CCDC178: variants seen among roughly 807,000 people sequenced by gnomAD.
CCDC178 encodes the protein coiled-coil domain-containing protein 178.
CCDC178 carries 126 observed loss-of-function variants against 117.4 expected under a neutral mutation model. That is an observed-to-expected ratio of 1.07 (90% CI 0.93 to 1.24). CCDC178 has a LOEUF of 1.24. CCDC178 is among the 50% of genes most tolerant of loss of function. The pLI, the probability that CCDC178 is intolerant of heterozygous loss-of-function variation, is 0.00. For synonymous variants in CCDC178, 283 were observed against 313.4 expected (o/e 0.90, Z 1.02); for missense variants, 1,030 against 986.9 (o/e 1.04, Z -0.59).
At chr18:33,187,705 C>T (rs2058813632) in intron 20 of CCDC178, among the ~76,000 whole-genome samples, 1 of 152,090 alleles carries the variant, frequency 6.6e-6, no homozygotes, top group Admixed American at 6.5e-5. Context: ...TTTATTCATA[C>T]GATTGCACTA....
chr18:32,942,064 T>A (rs1014773849), intron 22 of CCDC178, among the ~76,000 whole-genome samples: 14 of 152,056 alleles, frequency 9.2e-5, no homozygotes, highest in Non-Finnish European at 1.8e-4. Flanking sequence ...AAAGAGAAAA[T>A]GGGAGGATAT....
rs1465141540 is a variant in CCDC178, at chr18:32,974,607, C to T, written c.2463G>A (p.Met821Ile). ...AGTCTGTCTGGAAGTTGGCCAGCCTCATCTGGCTGAAGAGGACCACCAGTT... is the reference window on the plus strand; with the variant it reads ...AGTCTGTCTGGAAGTTGGCCAGCCTTATCTGGCTGAAGAGGACCACCAGTT... ...HFKLVVLFSQ[M>I]RLANFQTDSQ... The change falls in exon 22 of 23, where the codon ATG (methionine) becomes ATA (isoleucine). Residue 821 changes from methionine to isoleucine, a missense_variant. Coordinates refer to ENST00000383096, the MANE Select transcript of CCDC178 (RefSeq NM_001105528.4). 6 of 1,613,486 alleles carry T rather than the reference C, an allele frequency of 3.7e-6. No homozygotes were observed. The highest frequency in any genetic ancestry group is 5.1e-6 in the Non-Finnish European group (6 of 1,179,708).
chr18:33,283,792 T>C (rs80251092), intron 12 of CCDC178, among the ~76,000 whole-genome samples: 10 of 152,292 alleles, frequency 6.6e-5, no homozygotes, highest in African/African-American at 2.4e-4. Flanking sequence ...AAAGGAACGC[T>C]TATACACTGT....
chr18:33,152,167 G>T (rs2058348755), intron 20 of CCDC178, among the ~76,000 whole-genome samples: 1 of 152,040 alleles, frequency 6.6e-6, no homozygotes, highest in African/African-American at 2.4e-5. Flanking sequence ...TTAGTAACTG[G>T]ATGACATCTG....
intron 5 of CCDC178, among the ~76,000 whole-genome samples, chr18:33,373,190 T>C (rs951950862): frequency 1.3e-5 from 2 of 152,182 alleles, no homozygotes; most frequent in East Asian, 1.9e-4. Flanking sequence ...CACATTTTCA[T>C]TGGACCTTAA....
chr18:33,029,640 A>G (rs1296332130), intron 21 of CCDC178, among the ~76,000 whole-genome samples: 2 of 151,914 alleles, frequency 1.3e-5, no homozygotes, highest in Non-Finnish European at 2.9e-5. Context: ...ACAGCTATAA[A>G]TTTTGCTCTG....
At chr18:33,001,878 G>A (rs1737170715) in intron 21 of CCDC178, among the ~76,000 whole-genome samples, 1 of 152,096 alleles carries the variant, frequency 6.6e-6, no homozygotes, top group South Asian at 2.1e-4. Context: ...AACAGTAGTA[G>A]CTATATTTAT....
At chr18:32,952,327 A>G (rs2054504747) in intron 22 of CCDC178, among the ~76,000 whole-genome samples, 1 of 152,164 alleles carries the variant, frequency 6.6e-6, no homozygotes, top group African/African-American at 2.4e-5. Flanking sequence ...GTATTTCCAT[A>G]TATTTGAAAT....
intron 21 of CCDC178, among the ~76,000 whole-genome samples, chr18:33,090,674 T>C (rs2057449472): frequency 6.6e-6 from 1 of 152,204 alleles, no homozygotes; most frequent in Non-Finnish European, 1.5e-5. Flanking sequence ...AAATTGATCC[T>C]ACATGACACT....
At chr18:33,128,157 T>C (rs899470928) in intron 20 of CCDC178, among the ~76,000 whole-genome samples, 2 of 152,180 alleles carry the variant, frequency 1.3e-5, no homozygotes, top group African/African-American at 4.8e-5. Flanking sequence ...GAACCATTCT[T>C]ATTAGTTTAT....
intron 14 of CCDC178, among the ~76,000 whole-genome samples, chr18:33,248,351 C>T (rs1439054866): frequency 1.3e-5 from 2 of 151,538 alleles, no homozygotes; most frequent in East Asian, 3.9e-4. Context: ...TATACATGTG[C>T]CATGTTGGTG....
intron 21 of CCDC178, among the ~76,000 whole-genome samples, chr18:33,075,162 C>T (rs2145011299): frequency 6.6e-6 from 1 of 152,302 alleles, no homozygotes; most frequent in African/African-American, 2.4e-5. Context: ...GAGTTCTCAT[C>T]TTCTATGAAT....
intron 22 of CCDC178, among the ~76,000 whole-genome samples, chr18:32,952,544 C>T (rs748801880): frequency 6.6e-6 from 1 of 152,136 alleles, no homozygotes; most frequent in Non-Finnish European, 1.5e-5. Flanking sequence ...AACAGGGGGG[C>T]CCTGGGCCAA....
At chr18:32,974,005 T>G (rs1172878308) in intron 22 of CCDC178, among the ~76,000 whole-genome samples, 1 of 152,158 alleles carries the variant, frequency 6.6e-6, no homozygotes, top group Non-Finnish European at 1.5e-5. Flanking sequence ...ATGTATCTGC[T>G]AAATGTTTTT....
chr18:33,133,038 C>T (rs930002103), intron 20 of CCDC178, among the ~76,000 whole-genome samples: 8 of 151,718 alleles, frequency 5.3e-5, no homozygotes, highest in Non-Finnish European at 1.2e-4. Context: ...AACCTAGTCT[C>T]TATTTGGAGC....
At chr18:33,386,806 T>C (rs1039113801) in intron 5 of CCDC178, among the ~76,000 whole-genome samples, 2 of 152,056 alleles carry the variant, frequency 1.3e-5, no homozygotes, top group East Asian at 3.9e-4. Context: ...AAAATAGGTA[T>C]AAGACAAGGA....
chr18:33,089,105 A>C (rs1414045934), intron 21 of CCDC178, among the ~76,000 whole-genome samples: 1 of 152,144 alleles, frequency 6.6e-6, no homozygotes, highest in Non-Finnish European at 1.5e-5. Context: ...AAATTACTGA[A>C]AAAGTGGCTC....
intron 20 of CCDC178, among the ~76,000 whole-genome samples, chr18:33,121,568 T>G (rs1240526018): frequency 6.6e-6 from 1 of 152,178 alleles, no homozygotes; most frequent in Non-Finnish European, 1.5e-5. Flanking sequence ...AGGGGCTATC[T>G]TGGAATTCTG....
At chr18:33,395,153 A>G (rs1455629275) in intron 4 of CCDC178, among the ~76,000 whole-genome samples, 2 of 151,148 alleles carry the variant, frequency 1.3e-5, no homozygotes, top group Non-Finnish European at 3.0e-5. Flanking sequence ...TGTAAGTTTT[A>G]GAAAATAAAA....
Sources: allele counts gnomAD v4.1 joint callset (sites outside exome capture counted in the v4.1 genomes callset), GRCh38; gene constraint gnomAD v4.1.1; transcripts MANE v1.5; gene names NCBI Gene and HGNC (gene_info 2026-07-23, HGNC 2026-07-21).